The following ARHGAP15 variants were observed in gnomAD, a reference collection of about 807,000 sequenced individuals.
ARHGAP15 encodes the protein Rho GTPase activating protein 15.
In ARHGAP15, 51 loss-of-function variants were observed where a neutral mutation model predicts 63.7. The ratio of observed to expected loss-of-function variants is 0.80; its 90% CI spans 0.64 to 1.01. The LOEUF is 1.01. Ranked by LOEUF, ARHGAP15 falls within the 50% of genes least tolerant of loss-of-function variation. The pLI, the probability that ARHGAP15 is intolerant of heterozygous loss-of-function variation, is 0.00. For synonymous variants in ARHGAP15, 191 were observed against 193.8 expected (o/e 0.99, Z 0.12); for missense variants, 560 against 564.6 (o/e 0.99, Z 0.08).
intron 6 of ARHGAP15, among the ~76,000 whole-genome samples, chr2:143,427,064 G>T (rs897696403): frequency 1.3e-5 from 2 of 152,098 alleles, no homozygotes; most frequent in Admixed American, 1.3e-4. Flanking sequence ...TGAATCTAAT[G>T]CAAATAAGTC....
intron 10 of ARHGAP15, among the ~76,000 whole-genome samples, chr2:143,540,455 A>C (rs1694994091): frequency 6.6e-6 from 1 of 151,894 alleles, no homozygotes. Context: ...TAGTTGATGC[A>C]GTTTCTTCCT....
intron 11 of ARHGAP15, among the ~76,000 whole-genome samples, chr2:143,615,500 C>A (rs181881528): frequency 6.6e-6 from 1 of 152,160 alleles, no homozygotes; most frequent in Non-Finnish European, 1.5e-5. Flanking sequence ...TCATATATTA[C>A]ATCACTTAAA....
At chr2:143,544,160 T>A (rs1228959436) in intron 10 of ARHGAP15, among the ~76,000 whole-genome samples, 1 of 152,300 alleles carries the variant, frequency 6.6e-6, no homozygotes, top group African/African-American at 2.4e-5. Context: ...TGTCTCCAAA[T>A]CTGGATGTGA....
At chr2:143,507,194 CTT>C in intron 9 of ARHGAP15, among the ~76,000 whole-genome samples, 1 of 152,028 alleles carries the variant, frequency 6.6e-6, no homozygotes, top group African/African-American at 2.4e-5. Context: ...AAAGCTATCC[CTT>C]TCTTCTTCAT....
intron 6 of ARHGAP15, among the ~76,000 whole-genome samples, chr2:143,270,398 C>A (rs1044657633): frequency 2.0e-5 from 3 of 152,172 alleles, no homozygotes; most frequent in Non-Finnish European, 2.9e-5. Context: ...CCATCCTGAT[C>A]GGTAGCTTTT....
intron 12 of ARHGAP15, among the ~76,000 whole-genome samples, chr2:143,690,271 C>T (rs1683535836): frequency 6.6e-6 from 1 of 152,146 alleles, no homozygotes; most frequent in Non-Finnish European, 1.5e-5. Flanking sequence ...TATAAGAATT[C>T]TATTATGTTT....
chr2:143,682,850 CAGG>C (rs1008020019), intron 12 of ARHGAP15: 1 of 152,134 alleles, frequency 6.6e-6, no homozygotes, highest in African/African-American at 2.4e-5. Context: ...TCCTTTTTCG[CAGG>C]AGTTCTCTGT....
intron 13 of ARHGAP15, among the ~76,000 whole-genome samples, chr2:143,741,644 T>C (rs532618976): frequency 2.6e-5 from 4 of 152,362 alleles, no homozygotes; most frequent in Admixed American, 6.5e-5. Flanking sequence ...GAATTAAGAC[T>C]ATGAATTGTA....
intron 12 of ARHGAP15, among the ~76,000 whole-genome samples, chr2:143,690,803 A>C (rs930995273): frequency 1.3e-5 from 2 of 152,178 alleles, no homozygotes; most frequent in Non-Finnish European, 2.9e-5. Context: ...CCAGATGCTC[A>C]AGTCAGCCTT....
chr2:143,214,132 T>C (rs915177465), intron 3 of ARHGAP15, among the ~76,000 whole-genome samples: 4 of 152,220 alleles, frequency 2.6e-5, no homozygotes, highest in African/African-American at 9.6e-5. Context: ...CGAGGGATCT[T>C]TTGTGAATTT....
At chr2:143,133,719 G>A (rs1396660032) in intron 1 of ARHGAP15, among the ~76,000 whole-genome samples, 1 of 152,016 alleles carries the variant, frequency 6.6e-6, no homozygotes, top group Non-Finnish European at 1.5e-5. Context: ...AAAACACAAT[G>A]TTTTTAGATA....
At chr2:143,548,624 T>A (rs1390487435) in intron 10 of ARHGAP15, among the ~76,000 whole-genome samples, 1 of 151,974 alleles carries the variant, frequency 6.6e-6, no homozygotes, top group Non-Finnish European at 1.5e-5. Context: ...ATTCTTATTT[T>A]CCATATGAAT....
chr2:143,529,243 T>A (rs1017270110), intron 10 of ARHGAP15, among the ~76,000 whole-genome samples: 1 of 152,106 alleles, frequency 6.6e-6, no homozygotes, highest in Non-Finnish European at 1.5e-5. Context: ...ATGTTAGACA[T>A]CTTAGATTCT....
At chr2:143,206,598 C>T (rs377538493) in intron 3 of ARHGAP15, among the ~76,000 whole-genome samples, 107 of 152,164 alleles carry the variant, frequency 7.0e-4, no homozygotes, top group African/African-American at 2.5e-3. Context: ...CCAGCCCCAT[C>T]ACACTAAAAT....
chr2:143,348,739 T>C (rs1158216609), intron 6 of ARHGAP15, among the ~76,000 whole-genome samples: 1 of 152,190 alleles, frequency 6.6e-6, no homozygotes, highest in Non-Finnish European at 1.5e-5. Context: ...TTATTTGTGA[T>C]TTTAAATAAT....
At chr2:143,750,165 C>T (rs948038454) in intron 13 of ARHGAP15, among the ~76,000 whole-genome samples, 1 of 152,292 alleles carries the variant, frequency 6.6e-6, no homozygotes, top group East Asian at 1.9e-4. Flanking sequence ...TCTGGCTGGG[C>T]GTGGTGGCTC....
chr2:143,198,138 T>C (rs1691956893), intron 2 of ARHGAP15, among the ~76,000 whole-genome samples: 1 of 152,134 alleles, frequency 6.6e-6, no homozygotes. Context: ...CTTATAAAAA[T>C]GGTTAATATT....
chr2:143,568,971 C>G (rs1035392778), intron 11 of ARHGAP15, among the ~76,000 whole-genome samples: 13 of 152,110 alleles, frequency 8.5e-5, no homozygotes, highest in African/African-American at 3.1e-4. Context: ...AATGAGAACA[C>G]TTGGTCACAG....
chr2:143,737,506 G>A (rs187903920), intron 13 of ARHGAP15, among the ~76,000 whole-genome samples: 53 of 152,242 alleles, frequency 3.5e-4, no homozygotes, highest in African/African-American at 1.1e-3. Context: ...CATTTCTTCT[G>A]CCAGTCATAA....
Sources: allele counts gnomAD v4.1 joint callset (sites outside exome capture counted in the v4.1 genomes callset), GRCh38; gene constraint gnomAD v4.1.1; transcripts MANE v1.5; gene names NCBI Gene and HGNC (gene_info 2026-07-23, HGNC 2026-07-21).